SPOPL: variants seen among roughly 807,000 people sequenced by gnomAD.
The protein encoded by SPOPL is speckle type BTB/POZ protein like.
In SPOPL, 23 loss-of-function variants were observed where a neutral mutation model predicts 53.8. That is an observed-to-expected ratio of 0.43 (90% CI 0.31 to 0.61). The LOEUF (loss-of-function observed/expected upper bound fraction) is 0.61, where lower values mean the gene tolerates loss of function less well. Among genes scored for constraint, SPOPL ranks in the 20% least tolerant of loss-of-function variants. The pLI, the probability that SPOPL is intolerant of heterozygous loss-of-function variation, is 0.12. For missense variants in SPOPL, 442 were observed against 466.9 expected (o/e 0.95, Z 0.49); for synonymous variants, 164 against 149.7 (o/e 1.10, Z -0.70).
At chr2:138,504,016 C>T (rs962720094) in intron 1 of SPOPL, among the ~76,000 whole-genome samples, 1 of 152,112 alleles carries the variant, frequency 6.6e-6, no homozygotes, top group Non-Finnish European at 1.5e-5. Context: ...ATTTGCTTAC[C>T]TCTTGTGCAC....
chr2:138,531,436 A>G (rs1684807144), intron 1 of SPOPL, among the ~76,000 whole-genome samples: 4 of 152,058 alleles, frequency 2.6e-5, no homozygotes, highest in African/African-American at 9.7e-5. Flanking sequence ...TTTTAATTCT[A>G]CTTATATTTA....
chr2:138,521,256 C>A (rs1236263646), intron 1 of SPOPL, among the ~76,000 whole-genome samples: 3 of 152,080 alleles, frequency 2.0e-5, no homozygotes, highest in African/African-American at 7.2e-5. Context: ...ATTCTTGCCT[C>A]CAGTTCTGTC....
chr2:138,513,049 A>G (rs989527624), intron 1 of SPOPL, among the ~76,000 whole-genome samples: 3 of 152,238 alleles, frequency 2.0e-5, no homozygotes, highest in Non-Finnish European at 4.4e-5. Flanking sequence ...GGGAGGTGAC[A>G]GTCTGAGTGT....
At chr2:138,504,662 T>C (rs180697193) in intron 1 of SPOPL, among the ~76,000 whole-genome samples, 3 of 152,256 alleles carry the variant, frequency 2.0e-5, no homozygotes. Flanking sequence ...ACCCTAATGC[T>C]CTGAGGCATC....
At chr2:138,521,565 G>A (rs77962061) in intron 1 of SPOPL, among the ~76,000 whole-genome samples, 1 of 151,610 alleles carries the variant, frequency 6.6e-6, no homozygotes, top group African/African-American at 2.4e-5. Flanking sequence ...TGTTTTTTTT[G>A]TGTGTGTGGG....
At chr2:138,551,560 A>G (rs1261506857) in intron 4 of SPOPL, among the ~76,000 whole-genome samples, 4 of 152,030 alleles carry the variant, frequency 2.6e-5, no homozygotes, top group African/African-American at 9.7e-5. Context: ...ATATATAGCC[A>G]GCTGAAATGC....
Position 138,546,450 on chromosome 2 carries a change from TTTC to T in SPOPL, c.-60-3701_-60-3699del, listed in dbSNP as rs1255070967. 5.3e-5 allele frequency among the ~76,000 whole-genome samples: 8 copies of T among 152,220 alleles called. No individual in the cohort carries two copies. The East Asian group carries it at 1.5e-3, about 29-fold the overall frequency. On this transcript the variant is annotated intron_variant, in intron 1 of 10. Coordinates refer to ENST00000280098, the MANE Select transcript of SPOPL (RefSeq NM_001001664.3). ...ATAGTCTGCTGTTTTTATTTTCATT[TTTC>T]TTCTTATGAAGAGGAAGAAAAAAAT... is the stretch of plus-strand genomic sequence containing the variant.
intron 8 of SPOPL, among the ~76,000 whole-genome samples, chr2:138,561,149 A>G (rs1685538852): frequency 6.6e-6 from 1 of 152,130 alleles, no homozygotes; most frequent in African/African-American, 2.4e-5. Flanking sequence ...TTCTTGGGAG[A>G]GTAACCTGTA....
chr2:138,550,630 T>G (rs371439058), intron 3 of SPOPL, 26 bp downstream of exon 3: 4 of 1,580,258 alleles, frequency 2.5e-6, no homozygotes, highest in Non-Finnish European at 3.4e-6. Context: ...GCTTTGAATT[T>G]TTGTTTTTTG....
At chr2:138,550,347 T>A (rs1685286957) in intron 2 of SPOPL, 53 bp downstream of exon 2, 2 of 1,604,966 alleles carry the variant, frequency 1.2e-6, no homozygotes, top group African/African-American at 1.3e-5. Flanking sequence ...TTTTACAGTA[T>A]GTTGAGAATA....
Position 138,502,446 on chromosome 2 carries a change from T to C in SPOPL, c.-61+327T>C, listed in dbSNP as rs372895425. The stretch of plus-strand genomic sequence containing the variant: ...CCTTCTTTTCCTCTGGCTTCTCTCC[T>C]CCTCTATACCTGTATACCTCCACAC... On this transcript the variant is annotated intron_variant, in intron 1 of 10. Transcript: ENST00000280098. Among the ~76,000 whole-genome samples, 44 of 152,306 alleles carry C rather than the reference T, an allele frequency of 2.9e-4. 1 individual carries two copies. In the South Asian group the frequency reaches 9.1e-3, roughly 32 times the overall value.
At chr2:138,549,025 T>C (rs1380156555) in intron 1 of SPOPL, among the ~76,000 whole-genome samples, 1 of 152,160 alleles carries the variant, frequency 6.6e-6, no homozygotes, top group African/African-American at 2.4e-5. Flanking sequence ...CTACTGTTGA[T>C]GGGTGAAATG....
Position 138,562,874 on chromosome 2 carries a change from T to C in SPOPL, c.838-1834T>C, listed in dbSNP as rs1685580432. On this transcript the variant is annotated intron_variant, in intron 8 of 10. Transcript: ENST00000280098. ...AAAACATAAAAGAAAGTGTTTGTGATGTTAGGTTAGGCAGAGATTTCTTAG... is the reference window on the plus strand; with the variant it reads ...AAAACATAAAAGAAAGTGTTTGTGACGTTAGGTTAGGCAGAGATTTCTTAG... Among the ~76,000 whole-genome samples the C allele has an allele frequency of 2.0e-5, 3 of 151,228 alleles. No individual in the cohort carries two copies. In the South Asian group the frequency reaches 6.2e-4, roughly 31 times the overall value.
At chr2:138,519,538 G>A (rs938412076) in intron 1 of SPOPL, among the ~76,000 whole-genome samples, 2 of 152,120 alleles carry the variant, frequency 1.3e-5, no homozygotes, top group Non-Finnish European at 2.9e-5. Context: ...AGGATCAAAT[G>A]AAATATTGTA....
At chr2:138,538,467 A>G (rs6745806) in intron 1 of SPOPL, among the ~76,000 whole-genome samples, 135,355 of 152,196 alleles carry the variant, frequency 0.89, 60,517 homozygotes, top group East Asian at 1. Context: ...TTTGTCTCTC[A>G]TAACAATTTT....
chr2:138,567,832 A>G (rs576007496), intron 10 of SPOPL, among the ~76,000 whole-genome samples: 2 of 152,274 alleles, frequency 1.3e-5, no homozygotes, highest in African/African-American at 4.8e-5. Context: ...TGGATGGTAG[A>G]TGGCATAAAG....
intron 1 of SPOPL, among the ~76,000 whole-genome samples, chr2:138,545,690 C>T (rs1322409654): frequency 1.3e-5 from 2 of 152,032 alleles, no homozygotes; most frequent in Non-Finnish European, 2.9e-5. Context: ...CCGCCCACCT[C>T]GGCCTCCCAA....
At chr2:138,542,364 G>A (rs1685090547) in intron 1 of SPOPL, among the ~76,000 whole-genome samples, 2 of 152,126 alleles carry the variant, frequency 1.3e-5, no homozygotes, top group South Asian at 2.1e-4. Flanking sequence ...TATTGTGTGG[G>A]AGTCTAAGTC....
chr2:138,536,783 ACTT>A (rs1030548562), intron 1 of SPOPL, among the ~76,000 whole-genome samples: 18 of 152,282 alleles, frequency 1.2e-4, no homozygotes, highest in African/African-American at 4.3e-4. Context: ...TTGCAAATGA[ACTT>A]CTTTTCTCTG....
Sources: gnomAD v4.1 joint callset for allele counts (sites outside exome capture counted in the v4.1 genomes callset) on GRCh38, gnomAD v4.1.1 for gene constraint, MANE v1.5 for transcripts, NCBI Gene and HGNC (gene_info 2026-07-23, HGNC 2026-07-21) for gene names.